Variants in GLIS1 observed in about 807,000 individuals in gnomAD.
GLIS1 encodes zinc finger protein GLIS1.
Under a neutral mutation model 63.8 loss-of-function variants are expected in GLIS1, and 24 were observed. That is an observed-to-expected ratio of 0.38 (90% CI 0.27 to 0.53). The LOEUF (loss-of-function observed/expected upper bound fraction) is 0.53, where lower values mean the gene tolerates loss of function less well. GLIS1 is among the 20% of genes least tolerant of loss of function. The pLI is 0.85. For synonymous variants in GLIS1, 450 were observed against 482.5 expected (o/e 0.93, Z 0.88); for missense variants, 1,036 against 1,074.1 (o/e 0.96, Z 0.50).
At chr1:53,658,790 T>C (rs560214957) in intron 2 of GLIS1, among the ~76,000 whole-genome samples, 1 of 152,072 alleles carries the variant, frequency 6.6e-6, no homozygotes, top group East Asian at 1.9e-4. Flanking sequence ...AGGACAAGGG[T>C]CAGCTTGTCC....
chr1:53,631,869 T>C (rs934204779), intron 2 of GLIS1, among the ~76,000 whole-genome samples: 1 of 151,052 alleles, frequency 6.6e-6, no homozygotes, highest in Non-Finnish European at 1.5e-5. Flanking sequence ...ACCTTACTAA[T>C]GGCCAGGATC....
At chr1:53,557,217 C>T (rs1644843940) in intron 4 of GLIS1, among the ~76,000 whole-genome samples, 1 of 152,076 alleles carries the variant, frequency 6.6e-6, no homozygotes, top group African/African-American at 2.4e-5. Flanking sequence ...TGTCCATTCA[C>T]CCACACTCAG....
chr1:53,607,043 C>A (rs1415234424), intron 2 of GLIS1, among the ~76,000 whole-genome samples: 1 of 152,140 alleles, frequency 6.6e-6, no homozygotes, highest in Non-Finnish European at 1.5e-5. Flanking sequence ...ATAAACACAG[C>A]CAGGGGCCAG....
rs150825393 is a variant in GLIS1, at chr1:53,509,230, C to T, written c.2120G>A (p.Arg707Gln). 4.9e-5 allele frequency: 78 copies of T among 1,595,308 alleles called. No homozygotes were observed. In the East Asian group the frequency reaches 7.7e-4, roughly 16 times the overall value. Residue 707 changes from arginine (R) to glutamine (Q), a missense_variant, in exon 10 of 11, where the codon CGG (arginine) becomes CAG (glutamine). Physicochemically the swap from Arg to Gln is conservative, Grantham distance 43 (BLOSUM62 1). This residue lies in a region of GLIS1 where 400 missense variants were observed against 400.9 expected (regional missense o/e 1.00). Coordinates refer to ENST00000628545, the MANE Select transcript of GLIS1 (RefSeq NM_001367484.1). Reference sequence around the variant, plus strand: ...CCCACCGGCTGCTGGTTCAGCCATCCGGTAGCAGTCGCCATAGGGGAAGCA... The same window carrying T: ...CCCACCGGCTGCTGGTTCAGCCATCTGGTAGCAGTCGCCATAGGGGAAGCA... ...QSCFPYGDCY[R>Q]MAEPAAGGDG...
intron 4 of GLIS1, among the ~76,000 whole-genome samples, chr1:53,533,507 A>G (rs1442101031): frequency 5.9e-5 from 9 of 152,234 alleles, no homozygotes; most frequent in Non-Finnish European, 4.4e-5. Context: ...GCCCCCTGGA[A>G]CTTTCCAGAG....
intron 2 of GLIS1, among the ~76,000 whole-genome samples, chr1:53,656,771 C>A (rs923677705): frequency 1.3e-5 from 2 of 152,166 alleles, no homozygotes; most frequent in Non-Finnish European, 2.9e-5. Context: ...TAAAGGTGGG[C>A]GTTAGCACTG....
intron 2 of GLIS1, among the ~76,000 whole-genome samples, chr1:53,633,229 CTG>C (rs1645685595): frequency 8.2e-6 from 1 of 122,246 alleles, no homozygotes; most frequent in Non-Finnish European, 1.6e-5. Flanking sequence ...ATGAGTGTGA[CTG>C]GAGGGGCGTG....
At chr1:53,620,261 T>C (rs1052374361) in intron 2 of GLIS1, among the ~76,000 whole-genome samples, 1 of 152,236 alleles carries the variant, frequency 6.6e-6, no homozygotes, top group African/African-American at 2.4e-5. Context: ...AGGGCTGACC[T>C]GTACTTCTGA....
intron 4 of GLIS1, among the ~76,000 whole-genome samples, chr1:53,569,991 C>T (rs1003150042): frequency 2.6e-5 from 4 of 152,120 alleles, no homozygotes; most frequent in Non-Finnish European, 4.4e-5. Context: ...GTCCTATTCC[C>T]GTTCCCCCCA....
At position 53,526,812 on chromosome 1, in the gene GLIS1, T is replaced by A. The variant is rs865963630; in HGVS notation, c.1483-1925A>T. Reference sequence around the variant, plus strand: ...GTGTTTGTTTTTCCAGGGCCTGACATGTGTAGAACATTCCTCAGGCCCCAT... The same window carrying A: ...GTGTTTGTTTTTCCAGGGCCTGACAAGTGTAGAACATTCCTCAGGCCCCAT... On this transcript the variant is annotated intron_variant, in intron 5 of 10. Transcript: ENST00000628545. The surrounding 1 kb of genome is among the most constrained non-coding windows in gnomAD (Gnocchi z 4.4). 6.6e-6 allele frequency among the ~76,000 whole-genome samples: 1 copy of A among 152,296 alleles called. No individual in the cohort carries two copies. The highest frequency in any genetic ancestry group is 1.5e-5 in the Non-Finnish European group (1 of 68,012).
At chr1:53,522,487 C>T (rs995190907) in intron 6 of GLIS1, among the ~76,000 whole-genome samples, 1 of 152,236 alleles carries the variant, frequency 6.6e-6, no homozygotes, top group African/African-American at 2.4e-5. Context: ...CCTGTCCCCA[C>T]TCAGGCCCTC....
chr1:53,683,692 C>G (rs1043035182), intron 2 of GLIS1, among the ~76,000 whole-genome samples: 2 of 152,108 alleles, frequency 1.3e-5, no homozygotes, highest in African/African-American at 4.8e-5. Context: ...AAAGAATGAC[C>G]GAGGTGCCCG....
chr1:53,677,646 G>A (rs895426721), intron 2 of GLIS1, among the ~76,000 whole-genome samples: 2 of 152,236 alleles, frequency 1.3e-5, no homozygotes, highest in African/African-American at 4.8e-5. Context: ...CAGACCAGAC[G>A]TCTCCCAGGG....
At chr1:53,726,058 G>A (rs539072349) in intron 2 of GLIS1, among the ~76,000 whole-genome samples, 13 of 152,316 alleles carry the variant, frequency 8.5e-5, no homozygotes, top group African/African-American at 2.9e-4. Context: ...AAAAATGAAC[G>A]CAAGCATCTG....
intron 2 of GLIS1, among the ~76,000 whole-genome samples, chr1:53,668,155 T>C (rs1415771893): frequency 7.2e-5 from 11 of 152,224 alleles, no homozygotes; most frequent in African/African-American, 2.7e-4. Flanking sequence ...TCAGAACTGA[T>C]ATTTTAACAG....
intron 2 of GLIS1, among the ~76,000 whole-genome samples, chr1:53,671,529 C>G (rs1370861810): frequency 6.6e-6 from 1 of 152,140 alleles, no homozygotes; most frequent in East Asian, 1.9e-4. Flanking sequence ...TGAGGCCTCA[C>G]AGAGTAGAAC....
chr1:53,606,995 G>A (rs950461767), intron 2 of GLIS1, among the ~76,000 whole-genome samples: 6 of 152,328 alleles, frequency 3.9e-5, no homozygotes, highest in South Asian at 2.1e-4. Flanking sequence ...AGCCCAGGGC[G>A]GGTCACACAT....
At position 53,511,784 on chromosome 1, in the gene GLIS1, C is replaced by T. The variant is rs1166728062; in HGVS notation, c.1884-1757G>A. On this transcript the variant is annotated intron_variant, in intron 8 of 10. Transcript: ENST00000628545. The surrounding 1 kb of genome is among the most constrained non-coding windows in gnomAD (Gnocchi z 4.2). ...GTTCTGGCTGAAGCTGGGCTGGGGCCTGGCCGGAGAGTGGCTCCTCCTTCC... is the reference window on the plus strand; with the variant it reads ...GTTCTGGCTGAAGCTGGGCTGGGGCTTGGCCGGAGAGTGGCTCCTCCTTCC... Among the ~76,000 whole-genome samples, 1 of 152,206 alleles carries T rather than the reference C, an allele frequency of 6.6e-6. No homozygotes were observed. Among genetic ancestry groups the T allele is most frequent in the African/African-American group, 2.4e-5 (1 of 41,444 alleles).
chr1:53,649,862 C>A (rs369610183), intron 2 of GLIS1, among the ~76,000 whole-genome samples: 7 of 152,130 alleles, frequency 4.6e-5, no homozygotes, highest in African/African-American at 1.7e-4. Context: ...TTTATGTTAT[C>A]CGTAAGGCTT....
Sources: allele counts gnomAD v4.1 joint callset (sites outside exome capture counted in the v4.1 genomes callset), GRCh38; gene constraint gnomAD v4.1.1; regional missense constraint gnomAD v4.1.1; non-coding constraint Gnocchi (gnomAD v3.1); transcripts MANE v1.5; gene names NCBI Gene and HGNC (gene_info 2026-07-23, HGNC 2026-07-21).